ZNF600: variants seen among roughly 807,000 people sequenced by gnomAD.
The protein encoded by ZNF600 is zinc finger protein 600.
In ZNF600, 4 loss-of-function variants were observed where a neutral mutation model predicts 7.3. The observed-to-expected ratio is 0.55, with a 90% confidence interval of 0.27 to 1.25. The LOEUF (loss-of-function observed/expected upper bound fraction) is 1.25, where lower values mean the gene tolerates loss of function less well. Ranked by LOEUF, ZNF600 falls within the 50% of genes most tolerant of loss-of-function variation. ZNF600 has a pLI of 0.12. For synonymous variants in ZNF600, 290 were observed against 308.9 expected, an observed-to-expected ratio of 0.94 and a Z score of 0.64; for missense variants, 911 against 922.1, an observed-to-expected ratio of 0.99 and a Z score of 0.16.
chr19:52,814,453 G>A, the ZNF600 span: 3 of 145,686 alleles, frequency 2.1e-5, no homozygotes, highest in Non-Finnish European at 4.4e-5. Flanking sequence ...AATTAGCCAC[G>A]GGTGATGGCA....
the ZNF600 span, among the ~76,000 whole-genome samples, chr19:52,822,798 G>T: frequency 1.1e-3 from 172 of 152,266 alleles, no homozygotes; most frequent in African/African-American, 3.9e-3. Flanking sequence ...GGAGGCAGGT[G>T]CCGTCTCTAG....
chr19:52,771,176 C>T (rs1324831206), intron 3 of ZNF600, among the ~76,000 whole-genome samples: 1 of 152,070 alleles, frequency 6.6e-6, no homozygotes, highest in Non-Finnish European at 1.5e-5. Context: ...GAGCTCATTG[C>T]CTGCTCCTCT....
chr19:52,795,813 G>T, the ZNF600 span, among the ~76,000 whole-genome samples: 1 of 151,072 alleles, frequency 6.6e-6, no homozygotes, highest in Admixed American at 6.6e-5. Context: ...TGATCCGCCT[G>T]TTGTGGCCTC....
chr19:52,765,127 A>T (rs752319521), exon 4 of ZNF600: 1 of 403,614 alleles, frequency 2.5e-6, no homozygotes, highest in Non-Finnish European at 5.0e-6. Flanking sequence ...GACTGACTCT[A>T]GTGTCAATTA....
chr19:52,776,694 A>G (rs937940334), intron 2 of ZNF600, among the ~76,000 whole-genome samples: 4 of 152,210 alleles, frequency 2.6e-5, no homozygotes, highest in African/African-American at 9.6e-5. Context: ...TAAAATCATT[A>G]CAATTATTAT....
the ZNF600 span, chr19:52,810,606 C>G: frequency 6.6e-7 from 1 of 1,505,976 alleles, no homozygotes; most frequent in Non-Finnish European, 9.2e-7. Flanking sequence ...CCACCAACTA[C>G]AGCAGTTCCT....
chr19:52,782,481 C>A (rs10413311), intron 1 of ZNF600, among the ~76,000 whole-genome samples: 4,429 of 151,868 alleles, frequency 0.029, 159 homozygotes, highest in African/African-American at 0.083. Flanking sequence ...CAACATCACG[C>A]CATTGCACTT....
chr19:52,804,906 GAAGTT>G, the ZNF600 span, among the ~76,000 whole-genome samples: 4 of 152,174 alleles, frequency 2.6e-5, no homozygotes, highest in Non-Finnish European at 5.9e-5. Flanking sequence ...TTAAACAAAG[GAAGTT>G]AAGAGTCTGT....
the ZNF600 span, among the ~76,000 whole-genome samples, chr19:52,811,025 G>C: frequency 2.9e-5 from 4 of 140,152 alleles, no homozygotes; most frequent in South Asian, 2.7e-4. Flanking sequence ...GAGTGCCTGC[G>C]ATTGCAGGCA....
At chr19:52,796,785 TTTC>T in the ZNF600 span, among the ~76,000 whole-genome samples, 3 of 152,302 alleles carry the variant, frequency 2.0e-5, no homozygotes, top group South Asian at 2.1e-4. Flanking sequence ...AAATTTGATA[TTTC>T]TTCTTGTTTC....
chr19:52,771,638 C>T (rs2062631148), intron 3 of ZNF600, among the ~76,000 whole-genome samples: 2 of 152,088 alleles, frequency 1.3e-5, no homozygotes, highest in African/African-American at 2.4e-5. Flanking sequence ...CCAACACACC[C>T]AGCTAATTTT....
chr19:52,788,262 A>C (rs1436846664), upstream of ZNF600, among the ~76,000 whole-genome samples: 1 of 152,206 alleles, frequency 6.6e-6, no homozygotes, highest in African/African-American at 2.4e-5. Flanking sequence ...GACTCACAGA[A>C]GACTGGCTAC....
the ZNF600 span, chr19:52,801,553 G>C: frequency 3.1e-6 from 5 of 1,614,152 alleles, no homozygotes; most frequent in Non-Finnish European, 1.7e-6. Flanking sequence ...CACTGAAACT[G>C]GAAGCCATGA....
chr19:52,766,606 T>C (rs1184575471), exon 4 of ZNF600: 1 of 1,614,162 alleles, frequency 6.2e-7, no homozygotes, highest in East Asian at 2.2e-5. Flanking sequence ...TTGTAAGATT[T>C]CTCTCCACCA....
chr19:52,828,895 CT>C, the ZNF600 span, among the ~76,000 whole-genome samples: 5 of 152,244 alleles, frequency 3.3e-5, no homozygotes, highest in African/African-American at 7.2e-5. Flanking sequence ...GGGTCTCCCC[CT>C]GTCACCCAGG....
At chr19:52,789,861 C>T (rs1040629562), upstream of ZNF600, among the ~76,000 whole-genome samples, 1 of 151,888 alleles carries the variant, frequency 6.6e-6, no homozygotes, top group Admixed American at 6.6e-5. Flanking sequence ...GGGCTGAGTC[C>T]AAAAAGAGAG....
chr19:52,798,873 T>C, the ZNF600 span: 26 of 1,381,622 alleles, frequency 1.9e-5, no homozygotes, highest in East Asian at 4.8e-4. Flanking sequence ...ATACTATGGA[T>C]TGCTTGATGG....
chr19:52,811,905 G>C, the ZNF600 span, among the ~76,000 whole-genome samples: 1 of 113,474 alleles, frequency 8.8e-6, no homozygotes, highest in Admixed American at 8.3e-5. Context: ...ACAGCCCCCC[G>C]CCCGGCCAGC....
At chr19:52,768,774 C>T (rs974570419) in intron 3 of ZNF600, among the ~76,000 whole-genome samples, 28 of 151,822 alleles carry the variant, frequency 1.8e-4, no homozygotes, top group African/African-American at 6.3e-4. Context: ...GGCAAGAGTT[C>T]GAGGGCACAA....
Sources: gnomAD v4.1 joint callset for allele counts (sites outside exome capture counted in the v4.1 genomes callset) on GRCh38, gnomAD v4.1.1 for gene constraint, MANE v1.5 for transcripts, NCBI Gene and HGNC (gene_info 2026-07-23, HGNC 2026-07-21) for gene names.